Variants in CSMD1 observed in about 807,000 individuals in gnomAD.
CSMD1 encodes the protein CUB and sushi domain-containing protein 1.
In CSMD1, 213 loss-of-function variants were observed where a neutral mutation model predicts 417.5. That is an observed-to-expected ratio of 0.51 (90% CI 0.46 to 0.57). The LOEUF (loss-of-function observed/expected upper bound fraction) is 0.57, where lower values mean the gene tolerates loss of function less well. CSMD1 is among the 20% of genes least tolerant of loss of function. The probability of loss-of-function intolerance (pLI) is 0.00; values close to 1 mark genes in which losing one functional copy is unlikely to be tolerated. For synonymous variants in CSMD1, 2,862 were observed against 1,736.8 expected, an observed-to-expected ratio of 1.65 and a Z score of -16.11; for missense variants, 6,923 against 4,529.7, an observed-to-expected ratio of 1.53 and a Z score of -15.17.
chr8:4,110,058 T>A (rs1380629839), intron 3 of CSMD1, among the ~76,000 whole-genome samples: 2 of 152,150 alleles, frequency 1.3e-5, no homozygotes, highest in African/African-American at 4.8e-5. Flanking sequence ...AAACTTGAAG[T>A]CACCCAATGA....
chr8:4,924,090 G>T (rs1221997547), intron 1 of CSMD1, among the ~76,000 whole-genome samples: 1 of 152,140 alleles, frequency 6.6e-6, no homozygotes. Flanking sequence ...ACAAGTTTCT[G>T]CCGTCATGAT....
chr8:3,140,206 C>G (rs1380765), intron 41 of CSMD1, among the ~76,000 whole-genome samples: 115,789 of 152,068 alleles, frequency 0.76, 45,723 homozygotes, highest in Non-Finnish European at 0.87. Flanking sequence ...CACCCAGCCC[C>G]GATTACCCTT....
intron 3 of CSMD1, among the ~76,000 whole-genome samples, chr8:4,361,878 C>T (rs1283347632): frequency 6.6e-6 from 1 of 152,032 alleles, no homozygotes; most frequent in Non-Finnish European, 1.5e-5. Context: ...TTGCTTGAAC[C>T]CGGGAGGCGG....
chr8:3,483,824 G>C (rs1272011522), intron 11 of CSMD1, among the ~76,000 whole-genome samples: 1 of 152,036 alleles, frequency 6.6e-6, no homozygotes. Context: ...TTTATGAAAG[G>C]CTGAGTCAAC....
chr8:3,930,100 TA>T lies in CSMD1; in HGVS notation c.818+67802del, dbSNP rs1478540046. 2.7e-5 allele frequency among the ~76,000 whole-genome samples: 4 copies of T among 150,448 alleles called. 1 individual carries two copies. Among genetic ancestry groups the T allele is most frequent in the African/African-American group, 9.8e-5 (4 of 40,788 alleles). On this transcript the variant is annotated intron_variant, in intron 5 of 69. Transcript: ENST00000635120. ...TTTTTCTTCCTTGGAAGATTATCTT[TA>T]TTTGGTACTGGGAAAACCTACAAAA...
chr8:4,951,013 A>G (rs1808712630), intron 1 of CSMD1, among the ~76,000 whole-genome samples: 1 of 152,162 alleles, frequency 6.6e-6, no homozygotes, highest in Non-Finnish European at 1.5e-5. Flanking sequence ...AAATTAATAG[A>G]GAAGGGACCT....
intron 14 of CSMD1, among the ~76,000 whole-genome samples, chr8:3,407,587 A>T (rs1812433126): frequency 6.6e-6 from 1 of 151,998 alleles, no homozygotes; most frequent in Non-Finnish European, 1.5e-5. Flanking sequence ...GCATGGATGG[A>T]TAGAATGATG....
chr8:4,717,549 C>CGTAT (rs1554454929), intron 1 of CSMD1, among the ~76,000 whole-genome samples: 3 of 148,772 alleles, frequency 2.0e-5, no homozygotes, highest in African/African-American at 7.7e-5. Context: ...TGTCTGTCTA[C>CGTAT]CTATCTATCT....
At chr8:4,356,237 A>G (rs947634669) in intron 3 of CSMD1, among the ~76,000 whole-genome samples, 2 of 152,172 alleles carry the variant, frequency 1.3e-5, no homozygotes, top group Non-Finnish European at 2.9e-5. Flanking sequence ...TACTTCACTT[A>G]GAACAATTGT....
At chr8:4,939,646 G>T (rs1480135012) in intron 1 of CSMD1, among the ~76,000 whole-genome samples, 3 of 152,040 alleles carry the variant, frequency 2.0e-5, no homozygotes, top group Non-Finnish European at 4.4e-5. Context: ...CTGGGGGTGA[G>T]TGGGAAGGAA....
chr8:3,070,917 G>C (rs149140743), intron 49 of CSMD1, among the ~76,000 whole-genome samples: 4 of 152,176 alleles, frequency 2.6e-5, no homozygotes, highest in Non-Finnish European at 4.4e-5. Flanking sequence ...AAAGAGGTTT[G>C]ATTGGCTCAT....
intron 3 of CSMD1, among the ~76,000 whole-genome samples, chr8:4,054,576 G>C (rs187801795): frequency 6.6e-6 from 1 of 152,194 alleles, no homozygotes; most frequent in East Asian, 1.9e-4. Flanking sequence ...AACCCTCTTG[G>C]TGGTGTAGTC....
chr8:4,815,694 C>CAAAAAAAAAAAAAAAA (rs1218931391), intron 1 of CSMD1, among the ~76,000 whole-genome samples: 1 of 67,634 alleles, frequency 1.5e-5, no homozygotes, highest in Non-Finnish European at 2.9e-5. Flanking sequence ...AAAGCTGTCT[C>CAAAAAAAAAAAAAAAA]AAAAAAAAAA....
rs187915596 is a variant in CSMD1, at chr8:3,507,381, C to T, written c.1345-13655G>A. Among the ~76,000 whole-genome samples, 645 of 152,308 alleles carry T rather than the reference C, an allele frequency of 4.2e-3. 7 individuals carry two copies. The highest frequency in any genetic ancestry group is 0.031 in the Middle Eastern group (9 of 294). ...AGTATTACATGATGTATTTGTGCCA[C>T]ATTTTCCTAATCCAGTCTATCATTG... On this transcript the variant is annotated intron_variant, in intron 10 of 69. Coordinates refer to ENST00000635120, the MANE Select transcript of CSMD1 (RefSeq NM_033225.6).
intron 12 of CSMD1, among the ~76,000 whole-genome samples, chr8:3,465,862 G>C (rs548547706): frequency 1.3e-5 from 2 of 152,238 alleles, no homozygotes; most frequent in East Asian, 1.9e-4. Flanking sequence ...TGTGACTCCA[G>C]GTATGAGAGG....
intron 5 of CSMD1, among the ~76,000 whole-genome samples, chr8:3,970,497 A>T (rs1349967457): frequency 6.6e-6 from 1 of 152,210 alleles, no homozygotes; most frequent in East Asian, 1.9e-4. Context: ...GAATGTTCAC[A>T]TTCTTGGTTT....
At chr8:4,796,386 C>A (rs1407772615) in intron 1 of CSMD1, among the ~76,000 whole-genome samples, 1 of 151,986 alleles carries the variant, frequency 6.6e-6, no homozygotes, top group Admixed American at 6.6e-5. Flanking sequence ...TTCCTGATCT[C>A]CCTGTCTAAG....
chr8:4,179,149 G>C (rs534563593), intron 3 of CSMD1, among the ~76,000 whole-genome samples: 17 of 152,246 alleles, frequency 1.1e-4, no homozygotes, highest in African/African-American at 3.9e-4. Context: ...AAGAAAGCTG[G>C]AGGCATCACA....
intron 1 of CSMD1, among the ~76,000 whole-genome samples, chr8:4,892,336 G>T (rs376112110): frequency 1.2e-4 from 18 of 152,068 alleles, no homozygotes; most frequent in African/African-American, 4.1e-4. Flanking sequence ...AGGTGACGAA[G>T]CCATCTCCAC....
Sources: gnomAD v4.1 joint callset for allele counts (sites outside exome capture counted in the v4.1 genomes callset) on GRCh38, gnomAD v4.1.1 for gene constraint, MANE v1.5 for transcripts, NCBI Gene and HGNC (gene_info 2026-07-23, HGNC 2026-07-21) for gene names.